Variants in KIAA1328 observed in about 807,000 individuals in gnomAD.
KIAA1328 encodes protein hinderin.
KIAA1328 carries 52 observed loss-of-function variants against 68.1 expected under a neutral mutation model. The observed-to-expected ratio is 0.76, with a 90% CI of 0.61 to 0.96. The LOEUF is 0.96. KIAA1328 is among the 40% of genes least tolerant of loss of function. KIAA1328 has a pLI of 0.00. For synonymous variants in KIAA1328, 232 were observed against 239.4 expected (o/e 0.97, Z 0.28); for missense variants, 641 against 677.6 (o/e 0.95, Z 0.60).
chr18:36,921,990 C>T (rs1325911838), intron 5 of KIAA1328, among the ~76,000 whole-genome samples: 4 of 151,600 alleles, frequency 2.6e-5, no homozygotes, highest in Non-Finnish European at 4.4e-5. Flanking sequence ...TGCAATGGCA[C>T]GATCGTGGCT....
chr18:36,900,152 T>C (rs1156307017), intron 5 of KIAA1328, among the ~76,000 whole-genome samples: 1 of 151,914 alleles, frequency 6.6e-6, no homozygotes, highest in Non-Finnish European at 1.5e-5. Context: ...TTAGTAAAAG[T>C]TTTTAGAGAT....
intron 6 of KIAA1328, among the ~76,000 whole-genome samples, chr18:37,012,469 A>G (rs2054010474): frequency 6.6e-6 from 1 of 152,210 alleles, no homozygotes; most frequent in African/African-American, 2.4e-5. Context: ...CTCCAAAATT[A>G]TGTGAAATAG....
At chr18:37,052,213 T>A (rs953878385) in intron 6 of KIAA1328, among the ~76,000 whole-genome samples, 5 of 152,162 alleles carry the variant, frequency 3.3e-5, no homozygotes, top group Non-Finnish European at 7.4e-5. Flanking sequence ...TGAATAAATG[T>A]GATTCACTCC....
chr18:37,094,501 A>T (rs1191867215), intron 7 of KIAA1328, among the ~76,000 whole-genome samples: 1 of 152,222 alleles, frequency 6.6e-6, no homozygotes, highest in Non-Finnish European at 1.5e-5. Flanking sequence ...GGAGTTCTAC[A>T]TCTAGAAGTG....
At chr18:36,926,393 A>C (rs1450409270) in intron 5 of KIAA1328, among the ~76,000 whole-genome samples, 3 of 145,596 alleles carry the variant, frequency 2.1e-5, no homozygotes, top group East Asian at 2.0e-4. Flanking sequence ...CTATTTATTT[A>C]TTTATTTATT....
At chr18:37,103,487 A>G (rs1220962053) in intron 7 of KIAA1328, among the ~76,000 whole-genome samples, 1 of 152,222 alleles carries the variant, frequency 6.6e-6, no homozygotes, top group African/African-American at 2.4e-5. Context: ...GTCTCTCACC[A>G]TAGGCAAAAA....
chr18:36,876,458 G>C (rs1009243762), intron 4 of KIAA1328, among the ~76,000 whole-genome samples: 4 of 152,124 alleles, frequency 2.6e-5, no homozygotes, highest in African/African-American at 9.7e-5. Flanking sequence ...TAGTGTATTT[G>C]TGTAGAGGTG....
rs531327973 is a variant in KIAA1328 at position 36,933,565 on chromosome 18, C to T, written c.449-25743C>T. Among the ~76,000 whole-genome samples, 28 of 152,330 alleles carry T rather than the reference C, an allele frequency of 1.8e-4. No homozygotes were observed. The South Asian group carries it at 5.8e-3, about 32-fold the overall frequency. ...ACAGTGTTTTGAAAGTAACTGAGTC[C>T]CAGCCACAGATCTCAGCTTGGCACT... is the stretch of plus-strand genomic sequence containing the variant. On this transcript the variant is annotated intron_variant, in intron 5 of 9. Transcript: ENST00000280020.
At chr18:37,181,091 A>G (rs2059691024) in intron 9 of KIAA1328, among the ~76,000 whole-genome samples, 1 of 152,140 alleles carries the variant, frequency 6.6e-6, no homozygotes. Flanking sequence ...TGAGAACTGT[A>G]ATTTTAGCTT....
intron 7 of KIAA1328, among the ~76,000 whole-genome samples, chr18:37,133,242 G>A (rs1285085546): frequency 6.6e-6 from 1 of 151,622 alleles, no homozygotes; most frequent in South Asian, 2.1e-4. Flanking sequence ...TGAGGCAGGA[G>A]AATCGCTTGA....
chr18:37,153,965 C>T (rs2059099360), intron 7 of KIAA1328, among the ~76,000 whole-genome samples: 1 of 151,656 alleles, frequency 6.6e-6, no homozygotes, highest in South Asian at 2.1e-4. Flanking sequence ...CCCTGGTTTT[C>T]CTCACATCAC....
chr18:36,853,023 G>A (rs1164802196), intron 4 of KIAA1328, among the ~76,000 whole-genome samples: 1 of 152,152 alleles, frequency 6.6e-6, no homozygotes, highest in Non-Finnish European at 1.5e-5. Flanking sequence ...TCTTCTTGAG[G>A]AATTGACTCT....
At chr18:36,932,381 A>G (rs1452735418) in intron 5 of KIAA1328, among the ~76,000 whole-genome samples, 2 of 152,070 alleles carry the variant, frequency 1.3e-5, no homozygotes, top group African/African-American at 4.8e-5. Context: ...CACTGCACTC[A>G]GCTAATTTTT....
intron 9 of KIAA1328, among the ~76,000 whole-genome samples, chr18:37,188,679 A>G (rs2059848126): frequency 6.6e-6 from 1 of 152,168 alleles, no homozygotes; most frequent in Non-Finnish European, 1.5e-5. Flanking sequence ...GCCTCACCAC[A>G]GTCCTCACCA....
intron 9 of KIAA1328, among the ~76,000 whole-genome samples, chr18:37,195,437 T>C (rs1358892485): frequency 6.6e-6 from 1 of 152,222 alleles, no homozygotes; most frequent in Non-Finnish European, 1.5e-5. Context: ...TCTAATAGTT[T>C]CAAGTCTCAG....
intron 6 of KIAA1328, among the ~76,000 whole-genome samples, chr18:37,020,816 C>T (rs552854524): frequency 6.6e-6 from 1 of 152,230 alleles, no homozygotes; most frequent in East Asian, 1.9e-4. Flanking sequence ...CACATACGCA[C>T]GTAGGAATGA....
chr18:37,085,052 G>C (rs955841999), intron 7 of KIAA1328, among the ~76,000 whole-genome samples: 1 of 152,242 alleles, frequency 6.6e-6, no homozygotes, highest in African/African-American at 2.4e-5. Flanking sequence ...TGAGGTCAGG[G>C]ATGCCAATCT....
chr18:36,902,446 A>G (rs2049072869), intron 5 of KIAA1328: 2 of 152,058 alleles, frequency 1.3e-5, no homozygotes, highest in Admixed American at 1.3e-4. Flanking sequence ...TAGTCTAACA[A>G]CTTGTCCCTG....
At chr18:37,191,336 G>T (rs1264214793) in intron 9 of KIAA1328, among the ~76,000 whole-genome samples, 1 of 152,118 alleles carries the variant, frequency 6.6e-6, no homozygotes, top group African/African-American at 2.4e-5. Flanking sequence ...AAATACTACT[G>T]TTCTCAAAGT....
Sources: gnomAD v4.1 joint callset for allele counts (sites outside exome capture counted in the v4.1 genomes callset) on GRCh38, gnomAD v4.1.1 for gene constraint, MANE v1.5 for transcripts, NCBI Gene and HGNC (gene_info 2026-07-23, HGNC 2026-07-21) for gene names.